Variants in CNNM3 observed in about 807,000 individuals in gnomAD.
The protein encoded by CNNM3 is metal transporter CNNM3.
A neutral mutation model predicts 57.1 loss-of-function variants in CNNM3; 47 were observed. The ratio of observed to expected loss-of-function variants is 0.82; its 90% CI spans 0.65 to 1.05. The LOEUF (loss-of-function observed/expected upper bound fraction) is 1.05. Ranked by LOEUF, CNNM3 falls within the 50% of genes least tolerant of loss-of-function variation. The pLI, the probability that CNNM3 is intolerant of heterozygous loss-of-function variation, is 0.00. For synonymous variants in CNNM3, 507 were observed against 478.2 expected, an observed-to-expected ratio of 1.06 and a Z score of -0.79; for missense variants, 957 against 973.7, an observed-to-expected ratio of 0.98 and a Z score of 0.23.
intron 1 of CNNM3, among the ~76,000 whole-genome samples, chr2:96,822,005 A>ATT (rs1201423556): frequency 4.2e-5 from 6 of 142,380 alleles, no homozygotes; most frequent in South Asian, 2.2e-4. Context: ...TATTATTATT[A>ATT]TTTTTTTTTT....
chr2:96,825,068 C>T lies in CNNM3; in HGVS notation c.1236C>T (p.His412=), dbSNP rs369416817. The T allele has an allele frequency of 1.9e-6, 3 of 1,612,728 alleles. No individual in the cohort carries two copies. Among genetic ancestry groups the T allele is most frequent in the Non-Finnish European group, 2.5e-6 (3 of 1,180,004 alleles). The part of the protein sequence containing the change: ...VLEEFKRGKS[H]LAIVQKVNNE... ...GTCCTCCCCCCACAGGGAAGTCCCA[C>T]CTGGCCATCGTGCAGAAGGTGAACA... is the stretch of plus-strand genomic sequence containing the variant. Residue 412 remains histidine, a synonymous_variant, in exon 2 of 8, where the codon CAC becomes CAT. Transcript: ENST00000305510.
rs1268653337 is a variant in CNNM3 at position 96,832,565 on chromosome 2, C to G, written c.2073C>G (p.Ser691Arg). The G allele has an allele frequency of 6.2e-7, 1 of 1,614,104 alleles. No homozygotes were observed. The change falls in exon 8 of 8, where the codon AGC becomes AGG. Residue 691 changes from serine (S) to arginine (R), a missense_variant. Transcript: ENST00000305510. ...KTTTAAGSSH[S>R]RPGVPVEGSP... Reference sequence around the variant, plus strand: ...TGTCTCCTGTAGGGTCCAGCCACAGCAGGCCCGGCGTCCCGGTGGAAGGCA... The same window carrying G: ...TGTCTCCTGTAGGGTCCAGCCACAGGAGGCCCGGCGTCCCGGTGGAAGGCA...
chr2:96,827,003 A>C lies in CNNM3; in HGVS notation c.1519+21A>C, dbSNP rs769214988. The C allele has an allele frequency of 3.1e-6, 5 of 1,611,130 alleles. No homozygotes were observed. In the African/African-American group the frequency reaches 4.0e-5, roughly 13 times the overall value. ...CCGAGGTGAGGCGGGAGGGTGGTCCATGCCCCCTGCTCTCCTCACCGTTCT... is the reference window on the plus strand; with the variant it reads ...CCGAGGTGAGGCGGGAGGGTGGTCCCTGCCCCCTGCTCTCCTCACCGTTCT... On this transcript the variant is annotated intron_variant, in intron 3 of 7. Transcript: ENST00000305510.
In CNNM3 at chr2:96,832,805, C is replaced by T. The variant is rs2079626988; in HGVS notation, c.*189C>T. 3 of 1,502,954 alleles carry T rather than the reference C, an allele frequency of 2.0e-6. No individual in the cohort carries two copies. In the Admixed American group the frequency reaches 6.2e-5, roughly 31 times the overall value. The allele number at this position is 1,502,954 out of a possible 1,614,324, so 93.1% of individuals were successfully genotyped here. A position where few individuals can be genotyped will look rare whatever the true frequency, so the allele number is the denominator to read the frequency against. On this transcript the variant is annotated 3_prime_UTR_variant, in exon 8 of 8. Transcript: ENST00000305510. ...TGCCTGGATCCTTCAGCCGGCCCTG[C>T]CCTCCTTTAGGAGACAGGAGTCACC...
At chr2:96,819,377 A>G (rs192186924) in intron 1 of CNNM3, among the ~76,000 whole-genome samples, 4 of 152,306 alleles carry the variant, frequency 2.6e-5, no homozygotes, top group African/African-American at 7.2e-5. Flanking sequence ...TTGTGGTGCA[A>G]AGTCCTCTGC....
Position 96,825,130 on chromosome 2 carries a change from G to C in CNNM3, c.1298G>C (p.Gly433Ala). 2 of 1,614,138 alleles carry C rather than the reference G, an allele frequency of 1.2e-6. No homozygotes were observed. The highest frequency in any genetic ancestry group is 1.3e-5 in the African/African-American group (1 of 75,064). The change falls in exon 2 of 8, where the codon GGC becomes GCC. Residue 433 changes from glycine (G) to alanine (A), a missense_variant. Coordinates refer to ENST00000305510, the MANE Select transcript of CNNM3 (RefSeq NM_017623.5). ...GEGDPFYEVL[G>A]LVTLEDVIEE... ...GGCGACCCCTTCTACGAGGTCCTGG[G>C]CCTGGTCACCCTGGAGGACGTGATC... is the stretch of plus-strand genomic sequence containing the variant.
chr2:96,816,968 C>A lies in CNNM3; in HGVS notation c.691C>A (p.Leu231Ile). The A allele has an allele frequency of 7.4e-7, 1 of 1,345,962 alleles. No homozygotes were observed. The highest frequency in any genetic ancestry group is 9.6e-7 in the Non-Finnish European group (1 of 1,042,706). 83.4% of individuals were successfully genotyped at this position (1,345,962 alleles called of 1,614,324 possible). A position where few individuals can be genotyped will look rare whatever the true frequency, so the allele number is the denominator to read the frequency against. The change falls in exon 1 of 8, where the codon CTC (leucine) becomes ATC (isoleucine). Residue 231 changes from leucine (L) to isoleucine (I), a missense_variant. Physicochemically the swap from Leu to Ile is conservative, Grantham distance 5. Coordinates refer to ENST00000305510, the MANE Select transcript of CNNM3 (RefSeq NM_017623.5). ...GCCCGCCGTGTTGGGCAGCGCGGGG[C>A]TCGTGTTCCTGGTGGGAGAGGTGGT... ...AVPAVLGSAGLVFLVGEVVPA... is the reference protein window; with the variant it reads ...AVPAVLGSAGIVFLVGEVVPA...
intron 1 of CNNM3, among the ~76,000 whole-genome samples, chr2:96,818,929 G>A (rs1163196631): frequency 6.6e-6 from 1 of 152,224 alleles, no homozygotes; most frequent in Non-Finnish European, 1.5e-5. Flanking sequence ...CTGGCCTGTC[G>A]TTGCAGGAAG....
intron 6 of CNNM3, 80 bp downstream of exon 6, chr2:96,828,780 G>T: frequency 6.3e-7 from 1 of 1,580,320 alleles, no homozygotes. Context: ...GTCTGAGACT[G>T]CCCGGAACAA....
chr2:96,833,130 C>G lies in CNNM3; in HGVS notation c.*514C>G, dbSNP rs1053185050. On this transcript the variant is annotated 3_prime_UTR_variant, in exon 8 of 8. Transcript: ENST00000305510. ...GATGGCCTTGTCCATGTTGTCCTTT[C>G]TGGCTTCCCTGATGGTGTCATGTTT... is the stretch of plus-strand genomic sequence containing the variant. 2.8e-6 allele frequency: 2 copies of G among 705,530 alleles called. No individual in the cohort carries two copies. Among genetic ancestry groups the G allele is most frequent in the African/African-American group, 3.7e-5 (2 of 54,146 alleles). The allele number at this position is 705,530 out of a possible 1,614,324, so 43.7% of individuals were successfully genotyped here. A position where few individuals can be genotyped will look rare whatever the true frequency, so the allele number is the denominator to read the frequency against.
rs746015520 is a variant in CNNM3 at position 96,817,443 on chromosome 2, C to G, written c.1166C>G (p.Pro389Arg). 9 of 1,613,950 alleles carry G rather than the reference C, an allele frequency of 5.6e-6. No homozygotes were observed. The South Asian group carries it at 9.9e-5, about 18-fold the overall frequency. The change falls in exon 1 of 8, where the codon CCG becomes CGG. Residue 389 changes from proline to arginine, a missense_variant. Coordinates refer to ENST00000305510, the MANE Select transcript of CNNM3 (RefSeq NM_017623.5). ...ACCATCACTCGTTTCTACAACCATCCGCTCCACTTCGTCTTCAACGACACC... is the reference window on the plus strand; with the variant it reads ...ACCATCACTCGTTTCTACAACCATCGGCTCCACTTCGTCTTCAACGACACC... ...LSTITRFYNH[P>R]LHFVFNDTKL... is the part of the protein sequence containing the mutation.
chr2:96,826,240 T>G (rs1322247539), intron 2 of CNNM3, among the ~76,000 whole-genome samples: 2 of 152,032 alleles, frequency 1.3e-5, no homozygotes, highest in African/African-American at 2.4e-5. Context: ...TTTGAGACGG[T>G]CTTGCTCTGT....
chr2:96,820,015 G>T (rs1158357934), intron 1 of CNNM3, among the ~76,000 whole-genome samples: 1 of 152,226 alleles, frequency 6.6e-6, no homozygotes, highest in South Asian at 2.1e-4. Context: ...CCCCTGGCGG[G>T]GGGGCTTGTG....
chr2:96,821,986 C>CATTATTATT (rs769275167), intron 1 of CNNM3, among the ~76,000 whole-genome samples: 4 of 148,268 alleles, frequency 2.7e-5, no homozygotes, highest in African/African-American at 7.6e-5. Context: ...TACAAAAGAA[C>CATTATTATT]ATTATTATTA....
chr2:96,834,940 C>T lies in CNNM3; in HGVS notation c.*2324C>T, dbSNP rs2079666990. On this transcript the variant is annotated 3_prime_UTR_variant, in exon 8 of 8. Coordinates refer to ENST00000305510, the MANE Select transcript of CNNM3 (RefSeq NM_017623.5). ...ACGCACCCTTCATCTAGTTTCCCTC[C>T]ATGGTTACATCTTATATGGTTGTAA... Among the ~76,000 whole-genome samples the T allele has an allele frequency of 1.3e-5, 2 of 152,194 alleles. No homozygotes were observed. The highest frequency in any genetic ancestry group is 6.5e-5 in the Admixed American group (1 of 15,276).
At position 96,816,865 on chromosome 2, in the gene CNNM3, C is replaced by G; in HGVS notation, c.588C>G (p.Gly196=). 9.2e-7 allele frequency: 1 copy of G among 1,082,826 alleles called. No individual in the cohort carries two copies. The highest frequency in any genetic ancestry group is 1.1e-6 in the Non-Finnish European group (1 of 896,460). The allele number at this position is 1,082,826 out of a possible 1,614,324, so 67.1% of individuals were successfully genotyped here. A position where few individuals can be genotyped will look rare whatever the true frequency, so the allele number is the denominator to read the frequency against. ...GGCGCTGGGCCGGCTGCGCCTTGGG[C>G]GCGCTGCTGCTGCTGGCCAGCCTGG... The part of the protein sequence containing the change: ...PARRWAGCAL[G]ALLLLASLAQ... Residue 196 remains glycine, a synonymous_variant, in exon 1 of 8, where the codon GGC becomes GGG. Coordinates refer to ENST00000305510, the MANE Select transcript of CNNM3 (RefSeq NM_017623.5).
rs1253813442 is a variant in CNNM3, at chr2:96,817,095, T to TG, written c.822dup (p.Gln275AlafsTer150). The TG allele has an allele frequency of 1.5e-6, 2 of 1,327,592 alleles. No homozygotes were observed. 82.2% of individuals were successfully genotyped at this position (1,327,592 alleles called of 1,614,324 possible). ...CTCACTCTGCCCGTCGCGCTGCCCGTGGGGCAGCTGCTGGAGCTGGCGGCG... is the reference window on the plus strand; with the variant it reads ...CTCACTCTGCCCGTCGCGCTGCCCGTGGGGGCAGCTGCTGGAGCTGGCGGCG... On this transcript the variant is annotated frameshift_variant, in exon 1 of 8. Transcript: ENST00000305510. LOFTEE classifies it high-confidence loss of function.
At chr2:96,836,720 G>T (rs558902568), downstream of CNNM3, 1 of 152,118 alleles carries the variant, frequency 6.6e-6, no homozygotes, top group Non-Finnish European at 1.5e-5. Flanking sequence ...CAGAGCAAAA[G>T]TTTTCAGTTT....
In CNNM3 at chr2:96,816,752, C is replaced by T. The variant is rs1268283649; in HGVS notation, c.475C>T (p.Leu159=). ...GGCGCGAGGCCTGCAGCTGAGCGCG[C>T]TGGCGCTGGCGCCTGCCGAGGTGCA... The part of the protein sequence containing the change: ...ALARGLQLSA[L]ALAPAEVQVL... Residue 159 remains leucine (L), a synonymous_variant, in exon 1 of 8, where the codon CTG becomes TTG. Transcript: ENST00000305510. The T allele has an allele frequency of 9.8e-7, 1 of 1,017,284 alleles. No homozygotes were observed. The highest frequency in any genetic ancestry group is 1.2e-6 in the Non-Finnish European group (1 of 853,086). 63.0% of individuals were successfully genotyped at this position (1,017,284 alleles called of 1,614,324 possible).
Sources: gnomAD v4.1 joint callset for allele counts (sites outside exome capture counted in the v4.1 genomes callset) on GRCh38, gnomAD v4.1.1 for gene constraint, MANE v1.5 for transcripts, NCBI Gene and HGNC (gene_info 2026-07-23, HGNC 2026-07-21) for gene names.